The following ZNF277 variants were observed in gnomAD, a reference collection of about 807,000 sequenced individuals.
ZNF277 encodes the protein nuclear receptor-interacting factor 4.
In ZNF277, 55 loss-of-function variants were observed where a neutral mutation model predicts 60.7. That is an observed-to-expected ratio of 0.91 (90% CI 0.73 to 1.13). The LOEUF (loss-of-function observed/expected upper bound fraction) is 1.13, where lower values mean the gene tolerates loss of function less well. ZNF277 is among the 50% of genes most tolerant of loss of function. The probability of loss-of-function intolerance (pLI) is 0.00; values close to 1 mark genes in which losing one functional copy is unlikely to be tolerated. For missense variants in ZNF277, 510 were observed against 523.0 expected (o/e 0.98, Z 0.24); for synonymous variants, 178 against 179.3 (o/e 0.99, Z 0.06).
chr7:112,283,140 A>C (rs1791984790), intron 1 of ZNF277, among the ~76,000 whole-genome samples: 1 of 152,266 alleles, frequency 6.6e-6, no homozygotes, highest in African/African-American at 2.4e-5. Context: ...ACTCCATATG[A>C]TCAATGCTGT....
intron 4 of ZNF277, among the ~76,000 whole-genome samples, chr7:112,312,049 A>T (rs1792744188): frequency 6.6e-6 from 1 of 152,076 alleles, no homozygotes; most frequent in Non-Finnish European, 1.5e-5. Flanking sequence ...GTTATTGTGC[A>T]CCCTGTCTAT....
In ZNF277 at chr7:112,301,610, C is replaced by A. The variant is rs576877270; in HGVS notation, c.465+5299C>A. Among the ~76,000 whole-genome samples, 87 of 152,174 alleles carry A rather than the reference C, an allele frequency of 5.7e-4. 2 individuals carry two copies. The highest frequency in any genetic ancestry group is 2.0e-3 in the African/African-American group (84 of 41,506). Reference sequence around the variant, plus strand: ...GCTTCATGAACTAGGAATGGCAATCCCCACCTGTATAGATACATATCCCTC... The same window carrying A: ...GCTTCATGAACTAGGAATGGCAATCACCACCTGTATAGATACATATCCCTC... On this transcript the variant is annotated intron_variant, in intron 4 of 11. Transcript: ENST00000361822.
chr7:112,206,862 G>A, intron 1 of ZNF277, 55 bp downstream of exon 1: 1 of 1,556,094 alleles, frequency 6.4e-7, no homozygotes, highest in Non-Finnish European at 8.8e-7. Context: ...TCTATGACCG[G>A]GTGTGCAACG....
chr7:112,318,378 G>T, intron 5 of ZNF277, 105 bp downstream of exon 5: 1 of 980,328 alleles, frequency 1.0e-6, no homozygotes, highest in Non-Finnish European at 1.5e-6. Flanking sequence ...GTTGGCTCAG[G>T]ACCCTTTCGT....
intron 1 of ZNF277, among the ~76,000 whole-genome samples, chr7:112,265,550 C>T (rs1188812902): frequency 6.6e-6 from 1 of 152,072 alleles, no homozygotes; most frequent in African/African-American, 2.4e-5. Context: ...CAAAATTTGA[C>T]AGAGAGATAC....
chr7:112,265,281 G>A (rs939794100), intron 1 of ZNF277, among the ~76,000 whole-genome samples: 2 of 152,078 alleles, frequency 1.3e-5, no homozygotes, highest in African/African-American at 4.8e-5. Context: ...AACACTTAAA[G>A]GCCATTGTAG....
chr7:112,275,909 T>G (rs1791780658), intron 1 of ZNF277, among the ~76,000 whole-genome samples: 1 of 152,208 alleles, frequency 6.6e-6, no homozygotes, highest in African/African-American at 2.4e-5. Flanking sequence ...TTAGGTAGTT[T>G]GAAACTAAGA....
At chr7:112,263,083 C>A (rs931531056) in intron 1 of ZNF277, among the ~76,000 whole-genome samples, 2 of 152,126 alleles carry the variant, frequency 1.3e-5, no homozygotes, top group South Asian at 4.1e-4. Context: ...CCTTGTATAA[C>A]CTTTTTGTCA....
At chr7:112,304,077 G>A (rs1274793294) in intron 4 of ZNF277, among the ~76,000 whole-genome samples, 1 of 152,050 alleles carries the variant, frequency 6.6e-6, no homozygotes, top group East Asian at 1.9e-4. Context: ...TTTAGTCATT[G>A]ATATGGATGG....
chr7:112,340,539 G>T (rs1454663197), intron 10 of ZNF277, among the ~76,000 whole-genome samples: 1 of 152,144 alleles, frequency 6.6e-6, no homozygotes, highest in Non-Finnish European at 1.5e-5. Context: ...TATATAATTA[G>T]CTTAGTAGTC....
intron 1 of ZNF277, among the ~76,000 whole-genome samples, chr7:112,218,732 C>T (rs1191742166): frequency 6.6e-6 from 1 of 152,156 alleles, no homozygotes; most frequent in Non-Finnish European, 1.5e-5. Flanking sequence ...GTCTTTTTCT[C>T]TCTGTCTTAT....
chr7:112,321,893 G>A (rs1792990745), intron 5 of ZNF277, among the ~76,000 whole-genome samples: 1 of 151,888 alleles, frequency 6.6e-6, no homozygotes, highest in Non-Finnish European at 1.5e-5. Context: ...CTTTTTTCTT[G>A]CATCTTTCAA....
At position 112,229,341 on chromosome 7, in the gene ZNF277, C is replaced by G. The variant is rs569969256; in HGVS notation, c.91+22534C>G. Among the ~76,000 whole-genome samples the G allele has an allele frequency of 5.4e-4, 82 of 152,308 alleles. 1 individual carries two copies. Among genetic ancestry groups the G allele is most frequent in the Non-Finnish European group, 7.4e-4 (50 of 68,026 alleles). On this transcript the variant is annotated intron_variant, in intron 1 of 11. Transcript: ENST00000361822. The stretch of plus-strand genomic sequence containing the variant: ...TAGCGTAGTCTAGAGTAGCAGCTTG[C>G]ATACAACACTGCAAAGAAGAGTCAG...
chr7:112,322,594 G>GTT (rs578069044), intron 5 of ZNF277, among the ~76,000 whole-genome samples: 2 of 151,878 alleles, frequency 1.3e-5, no homozygotes, highest in Non-Finnish European at 2.9e-5. Context: ...TTGGTATTCT[G>GTT]TTTGGTAAGA....
intron 1 of ZNF277, among the ~76,000 whole-genome samples, chr7:112,268,786 A>G (rs1791602853): frequency 6.6e-6 from 1 of 152,132 alleles, no homozygotes; most frequent in Admixed American, 6.6e-5. Context: ...CAATTTTTTT[A>G]AGATTACTGA....
chr7:112,215,568 A>G (rs1231361404), intron 1 of ZNF277, among the ~76,000 whole-genome samples: 2 of 152,264 alleles, frequency 1.3e-5, no homozygotes, highest in African/African-American at 4.8e-5. Context: ...AGTTCCATAT[A>G]GCACTGTGGG....
At chr7:112,307,727 G>A (rs1048649980) in intron 4 of ZNF277, among the ~76,000 whole-genome samples, 8 of 151,664 alleles carry the variant, frequency 5.3e-5, no homozygotes, top group African/African-American at 1.9e-4. Context: ...ATGTTCTCTT[G>A]TATCTATCTC....
At chr7:112,271,762 C>T (rs1463260510) in intron 1 of ZNF277, among the ~76,000 whole-genome samples, 1 of 151,714 alleles carries the variant, frequency 6.6e-6, no homozygotes, top group African/African-American at 2.4e-5. Context: ...CTTTTTTTCT[C>T]CTCTGATGCT....
Position 112,340,885 on chromosome 7 carries a change from T to C in ZNF277, c.1023T>C (p.Tyr341=). Residue 341 remains tyrosine, a synonymous_variant, in exon 11 of 12, where the codon TAT becomes TAC. Coordinates refer to ENST00000361822, the MANE Select transcript of ZNF277 (RefSeq NM_021994.3). ...TGTCATTTTCAGGATTAAATTTCTA[T>C]CAGCAAGTGAAACTGGTCAATTTTA... ...KIKSELGLNF[Y]QQVKLVNFIR... The C allele has an allele frequency of 6.2e-7, 1 of 1,609,738 alleles. No homozygotes were observed. The highest frequency in any genetic ancestry group is 8.5e-7 in the Non-Finnish European group (1 of 1,178,484).
Sources: gnomAD v4.1 joint callset for allele counts (sites outside exome capture counted in the v4.1 genomes callset) on GRCh38, gnomAD v4.1.1 for gene constraint, MANE v1.5 for transcripts, NCBI Gene and HGNC (gene_info 2026-07-23, HGNC 2026-07-21) for gene names.